Variants in BMPR1B observed in about 807,000 individuals in gnomAD.
The protein encoded by BMPR1B is bone morphogenetic protein receptor type-1B.
In BMPR1B, 12 loss-of-function variants were observed where a neutral mutation model predicts 59.1. The observed-to-expected ratio is 0.20, with a 90% CI of 0.13 to 0.33. The LOEUF (loss-of-function observed/expected upper bound fraction) is 0.33, where lower values mean the gene tolerates loss of function less well. Ranked by LOEUF, BMPR1B falls within the 10% of genes least tolerant of loss-of-function variation. BMPR1B has a pLI of 1.00. For missense variants in BMPR1B, 550 were observed against 610.9 expected (o/e 0.90, Z 1.05); for synonymous variants, 237 against 207.3 (o/e 1.14, Z -1.23).
intron 1 of BMPR1B, among the ~76,000 whole-genome samples, chr4:94,771,307 C>A (rs1030555187): frequency 1.3e-5 from 2 of 152,104 alleles, no homozygotes; most frequent in Non-Finnish European, 2.9e-5. Context: ...AATGTAGGAC[C>A]CTCAGCTTCT....
chr4:95,124,924 T>C (rs1560672746), intron 7 of BMPR1B, 59 bp from the exon 8 acceptor site: 9 of 1,514,678 alleles, frequency 5.9e-6, no homozygotes, highest in Non-Finnish European at 7.3e-6. Context: ...TTAGTTGCAA[T>C]ATTTTACTCC....
intron 4 of BMPR1B, among the ~76,000 whole-genome samples, chr4:95,107,218 G>A (rs774152694): frequency 6.6e-6 from 1 of 152,066 alleles, no homozygotes; most frequent in African/African-American, 2.4e-5. Context: ...CAATAAAGCA[G>A]TGAGTATGGT....
intron 2 of BMPR1B, among the ~76,000 whole-genome samples, chr4:94,928,864 A>G (rs1189787068): frequency 6.6e-6 from 1 of 152,048 alleles, no homozygotes; most frequent in African/African-American, 2.4e-5. Context: ...GGCATAATCT[A>G]TTTTGATGTT....
intron 1 of BMPR1B, among the ~76,000 whole-genome samples, chr4:94,799,202 C>T (rs1484588594): frequency 6.7e-6 from 1 of 149,476 alleles, no homozygotes; most frequent in Non-Finnish European, 1.5e-5. Context: ...TCTCTTGATG[C>T]AGAAAAGACC....
intron 12 of BMPR1B, among the ~76,000 whole-genome samples, 176 bp from the exon 13 acceptor site, chr4:95,154,372 G>A (rs574615679): frequency 3.9e-5 from 6 of 152,254 alleles, no homozygotes; most frequent in Non-Finnish European, 7.4e-5. Context: ...ATGAACATCT[G>A]TTTTAGTCAT....
At chr4:94,785,435 C>G (rs1289483737) in intron 1 of BMPR1B, among the ~76,000 whole-genome samples, 1 of 152,158 alleles carries the variant, frequency 6.6e-6, no homozygotes, top group Non-Finnish European at 1.5e-5. Context: ...GCAGTGGCAT[C>G]ACAATGACCA....
At chr4:94,775,306 A>G (rs1374489748) in intron 1 of BMPR1B, among the ~76,000 whole-genome samples, 1 of 152,230 alleles carries the variant, frequency 6.6e-6, no homozygotes, top group Non-Finnish European at 1.5e-5. Context: ...TTCTCCTACT[A>G]AAACAGAATG....
At chr4:95,129,796 G>A in intron 8 of BMPR1B, 66 bp from the exon 9 acceptor site, 1 of 1,536,246 alleles carries the variant, frequency 6.5e-7, no homozygotes. Flanking sequence ...CTTCTCTGGA[G>A]AAAAAAAGAT....
At chr4:95,096,005 T>A (rs1027404025) in intron 3 of BMPR1B, among the ~76,000 whole-genome samples, 1 of 151,344 alleles carries the variant, frequency 6.6e-6, no homozygotes, top group African/African-American at 2.4e-5. Context: ...TCTTGATATG[T>A]AATAGTATGA....
chr4:94,768,878 C>G (rs1425123133), intron 1 of BMPR1B, among the ~76,000 whole-genome samples: 4 of 152,100 alleles, frequency 2.6e-5, no homozygotes, highest in African/African-American at 7.2e-5. Flanking sequence ...ATGGCACAGA[C>G]ATGTATTATA....
chr4:95,121,677 A>G (rs1248668165), intron 6 of BMPR1B, among the ~76,000 whole-genome samples: 4 of 152,126 alleles, frequency 2.6e-5, no homozygotes, highest in African/African-American at 9.7e-5. Flanking sequence ...TGAGAAATCT[A>G]GGTGAAGGGC....
intron 3 of BMPR1B, among the ~76,000 whole-genome samples, chr4:95,024,967 G>A (rs1295146493): frequency 6.6e-6 from 1 of 152,098 alleles, no homozygotes; most frequent in Non-Finnish European, 1.5e-5. Context: ...TGGGCGTGGT[G>A]GTGCGTGCCT....
At chr4:94,758,496 G>A (rs1721619096) in intron 1 of BMPR1B, among the ~76,000 whole-genome samples, 2 of 152,120 alleles carry the variant, frequency 1.3e-5, no homozygotes, top group South Asian at 2.1e-4. Flanking sequence ...GAGGGCAGTC[G>A]CGGAATCCGG....
chr4:94,987,180 C>G (rs546612947), intron 2 of BMPR1B, among the ~76,000 whole-genome samples: 2 of 124,906 alleles, frequency 1.6e-5, no homozygotes, highest in East Asian at 2.0e-4. Context: ...GTGTAATATA[C>G]TATATATAAT....
At chr4:94,957,333 G>GTTTTTTTTT (rs56341742) in intron 2 of BMPR1B, among the ~76,000 whole-genome samples, 4 of 65,664 alleles carry the variant, frequency 6.1e-5, no homozygotes, top group African/African-American at 2.2e-4. Context: ...CCTGTTTCGT[G>GTTTTTTTTT]TTTTTTTTTT....
intron 3 of BMPR1B, among the ~76,000 whole-genome samples, chr4:95,049,534 T>C (rs1206769783): frequency 2.7e-5 from 4 of 146,676 alleles, no homozygotes; most frequent in Non-Finnish European, 5.9e-5. Flanking sequence ...GGTTCCACTC[T>C]GTCTAGCTTT....
chr4:95,091,455 C>G, intron 3 of BMPR1B: 1 of 985,312 alleles, frequency 1.0e-6, no homozygotes, highest in Non-Finnish European at 1.2e-6. Flanking sequence ...ATTAGGCAAC[C>G]ACAGTCTGGG....
At position 94,931,121 on chromosome 4, in the gene BMPR1B, T is replaced by C. The variant is rs887560977; in HGVS notation, c.-113+55221T>C. ...TGATTCTGGCCTCTGACTTTATGCT[T>C]GGTAGCTAATTCACTTACAGCTAGC... On this transcript the variant is annotated intron_variant, in intron 2 of 12. Coordinates refer to ENST00000515059, the MANE Select transcript of BMPR1B (RefSeq NM_001203.3). Among the ~76,000 whole-genome samples, 4 of 152,146 alleles carry C rather than the reference T, an allele frequency of 2.6e-5. No individual in the cohort carries two copies. The South Asian group carries it at 6.2e-4, about 24-fold the overall frequency.
At chr4:95,026,262 C>T (rs1013191748) in intron 3 of BMPR1B, among the ~76,000 whole-genome samples, 29 of 151,618 alleles carry the variant, frequency 1.9e-4, no homozygotes, top group African/African-American at 7.0e-4. Context: ...ATGTGACTTA[C>T]TTGATTCTGA....
Sources: gnomAD v4.1 joint callset for allele counts (sites outside exome capture counted in the v4.1 genomes callset) on GRCh38, gnomAD v4.1.1 for gene constraint, MANE v1.5 for transcripts, NCBI Gene and HGNC (gene_info 2026-07-23, HGNC 2026-07-21) for gene names.